Variants in VPS41 observed in about 807,000 individuals in gnomAD.
VPS41 encodes the protein VPS41 subunit of HOPS complex.
A neutral mutation model predicts 130.9 loss-of-function variants in VPS41; 85 were observed. That is an observed-to-expected ratio of 0.65 (90% CI 0.55 to 0.78). The LOEUF is 0.78. VPS41 is among the 30% of genes least tolerant of loss of function. The pLI is 0.00. For synonymous variants in VPS41, 335 were observed against 332.9 expected (o/e 1.01, Z -0.07); for missense variants, 874 against 1,018.7 (o/e 0.86, Z 1.93).
chr7:38,812,123 T>C (rs1346618496), intron 7 of VPS41, among the ~76,000 whole-genome samples: 2 of 152,078 alleles, frequency 1.3e-5, no homozygotes, highest in African/African-American at 4.8e-5. Flanking sequence ...TGAGGAGCAT[T>C]TGTAGTTCAT....
intron 5 of VPS41, among the ~76,000 whole-genome samples, chr7:38,825,026 G>A (rs779575925): frequency 3.9e-5 from 6 of 152,210 alleles, no homozygotes; most frequent in Non-Finnish European, 5.9e-5. Context: ...TAAGAGTATA[G>A]TGATAAAGAG....
chr7:38,862,672 A>T (rs948649100), intron 3 of VPS41, 50 bp from the exon 4 acceptor site: 2 of 1,144,734 alleles, frequency 1.7e-6, no homozygotes, highest in Non-Finnish European at 2.6e-6. Context: ...TACTATTAAT[A>T]CACAAGTAGT....
intron 2 of VPS41, among the ~76,000 whole-genome samples, chr7:38,871,862 T>A (rs763077524): frequency 1.3e-5 from 2 of 152,252 alleles, no homozygotes; most frequent in Non-Finnish European, 2.9e-5. Context: ...AGACTCATTA[T>A]GTTGCCCAGG....
intron 22 of VPS41, among the ~76,000 whole-genome samples, chr7:38,748,036 T>C (rs1796020660): frequency 6.6e-6 from 1 of 152,238 alleles, no homozygotes; most frequent in South Asian, 2.1e-4. Flanking sequence ...TTTCTAACAG[T>C]ATCTTAAATT....
chr7:38,748,605 T>C (rs1042990447), intron 22 of VPS41, among the ~76,000 whole-genome samples: 11 of 151,282 alleles, frequency 7.3e-5, no homozygotes, highest in African/African-American at 2.7e-4. Context: ...ATAAAACTGA[T>C]GATCTGCTCT....
At chr7:38,743,592 AT>A in intron 23 of VPS41, 50 bp from the exon 24 acceptor site, 1 of 1,585,868 alleles carries the variant, frequency 6.3e-7, no homozygotes, top group Non-Finnish European at 8.6e-7. Flanking sequence ...TATTTTAATA[AT>A]TTTTTTAAAG....
chr7:38,860,026 T>C (rs1786071140), intron 4 of VPS41, among the ~76,000 whole-genome samples: 1 of 152,218 alleles, frequency 6.6e-6, no homozygotes, highest in South Asian at 2.1e-4. Flanking sequence ...AGTATCACTC[T>C]AGCAGTTGTC....
chr7:38,778,627 T>C (rs1236901379), intron 10 of VPS41, among the ~76,000 whole-genome samples: 2 of 152,208 alleles, frequency 1.3e-5, no homozygotes, highest in Non-Finnish European at 2.9e-5. Context: ...ATTTTTGAAA[T>C]GCTACACATA....
In VPS41 at chr7:38,796,819, C is replaced by G; in HGVS notation, c.496G>C (p.Val166Leu). ...RSWMNRWKSA[V>L]LHEGEGNIRS... ...ATGTTCCCTTCCCCTTCATGCAGAA[C>G]AGCAGACTTCCATCTGTTCATCCAA... is the stretch of plus-strand genomic sequence containing the variant. The change falls in exon 8 of 29, where the codon GTT (valine) becomes CTT (leucine). Residue 166 changes from valine (V) to leucine (L), a missense_variant. By Grantham distance (32) the Val-to-Leu change is conservative. Coordinates refer to ENST00000310301, the MANE Select transcript of VPS41 (RefSeq NM_014396.4). The G allele has an allele frequency of 1.9e-6, 3 of 1,614,036 alleles. No individual in the cohort carries two copies. Among genetic ancestry groups the G allele is most frequent in the Non-Finnish European group, 2.5e-6 (3 of 1,179,912 alleles).
At chr7:38,891,288 T>C (rs1006570052) in intron 2 of VPS41, among the ~76,000 whole-genome samples, 2 of 152,212 alleles carry the variant, frequency 1.3e-5, no homozygotes, top group Non-Finnish European at 2.9e-5. Context: ...GTATATAAGT[T>C]ATGCATATTA....
intron 14 of VPS41, among the ~76,000 whole-genome samples, chr7:38,769,107 A>C (rs1262752834): frequency 6.6e-6 from 1 of 152,196 alleles, no homozygotes; most frequent in Non-Finnish European, 1.5e-5. Flanking sequence ...TCCAGTGTAC[A>C]ACTGACCAGC....
intron 5 of VPS41, among the ~76,000 whole-genome samples, chr7:38,826,521 G>A (rs1446859821): frequency 2.0e-5 from 3 of 152,104 alleles, no homozygotes; most frequent in Non-Finnish European, 2.9e-5. Flanking sequence ...GGAAGATGAC[G>A]ACAATGATTA....
Position 38,756,851 on chromosome 7 carries a change from T to G in VPS41, c.1682A>C (p.Asp561Ala), listed in dbSNP as rs1584377862. The G allele has an allele frequency of 6.4e-7, 1 of 1,570,854 alleles. No homozygotes were observed. Among genetic ancestry groups the G allele is most frequent in the Non-Finnish European group, 8.7e-7 (1 of 1,152,368 alleles). Residue 561 changes from aspartate to alanine, a missense_variant, in exon 19 of 29, where the codon GAT becomes GCT. Transcript: ENST00000310301. ...AAAGCACATTACCTCTGAATCAAAA[T>G]CCATTAATAAAACAATTTTATCCTT... ...SIKDKIVLLMDFDSEKAVDML... is the reference protein window; with the variant it reads ...SIKDKIVLLMAFDSEKAVDML...
At chr7:38,866,976 C>CA (rs35548175) in intron 3 of VPS41, among the ~76,000 whole-genome samples, 4 of 150,910 alleles carry the variant, frequency 2.7e-5, no homozygotes, top group Non-Finnish European at 4.4e-5. Flanking sequence ...TACTGTTCAG[C>CA]AAAAAAAAGG....
chr7:38,801,572 A>C (rs1283202303), intron 7 of VPS41, among the ~76,000 whole-genome samples: 1 of 152,220 alleles, frequency 6.6e-6, no homozygotes, highest in Non-Finnish European at 1.5e-5. Context: ...TCATCATTTA[A>C]GAGAATTCTT....
intron 6 of VPS41, among the ~76,000 whole-genome samples, chr7:38,819,065 C>G (rs1420540429): frequency 2.0e-5 from 3 of 152,234 alleles, no homozygotes; most frequent in Non-Finnish European, 2.9e-5. Context: ...CCCTAGCTCT[C>G]TCGTAATGCA....
intron 1 of VPS41, 84 bp downstream of exon 1, chr7:38,909,070 C>T: frequency 1.8e-5 from 27 of 1,531,670 alleles, no homozygotes; most frequent in Non-Finnish European, 2.4e-5. Flanking sequence ...CTCCGCACCT[C>T]CACCCACTCC....
chr7:38,860,265 GAC>G (rs1244406798), intron 4 of VPS41, among the ~76,000 whole-genome samples: 1 of 152,150 alleles, frequency 6.6e-6, no homozygotes, highest in Non-Finnish European at 1.5e-5. Context: ...CTCAACCAAA[GAC>G]ATGTACACAT....
chr7:38,863,016 A>T (rs1460785917), intron 3 of VPS41, among the ~76,000 whole-genome samples: 1 of 152,238 alleles, frequency 6.6e-6, no homozygotes, highest in African/African-American at 2.4e-5. Flanking sequence ...CAAATGTGTA[A>T]ATCAGTGCTA....
Sources: allele counts gnomAD v4.1 joint callset (sites outside exome capture counted in the v4.1 genomes callset), GRCh38; gene constraint gnomAD v4.1.1; transcripts MANE v1.5; gene names NCBI Gene and HGNC (gene_info 2026-07-23, HGNC 2026-07-21).